The following LILRA5 variants were observed in gnomAD, a reference collection of about 807,000 sequenced individuals.
The protein encoded by LILRA5 is leukocyte immunoglobulin like receptor A5, also known as leukocyte immunoglobulin-like receptor subfamily A member 5.
LILRA5 carries 31 observed loss-of-function variants against 36.3 expected under a neutral mutation model. That is an observed-to-expected ratio of 0.85 (90% CI 0.64 to 1.15). The LOEUF (loss-of-function observed/expected upper bound fraction) is 1.15, where lower values mean the gene tolerates loss of function less well. Among genes scored for constraint, LILRA5 ranks in the 50% most tolerant of loss-of-function variants. LILRA5 has a pLI of 0.00. For missense variants in LILRA5, 348 were observed against 377.4 expected (o/e 0.92, Z 0.64); for synonymous variants, 144 against 144.8 (o/e 0.99, Z 0.04).
At position 54,307,127 on chromosome 19, in the gene LILRA5, T is replaced by G. The variant is rs1172038017; in HGVS notation, c.*286A>C. On this transcript the variant is annotated 3_prime_UTR_variant, in exon 7 of 7. Coordinates refer to ENST00000432233, the MANE Select transcript of LILRA5 (RefSeq NM_021250.4). ...GCACTCAAACACCCATTCCTCCCTC[T>G]AGAAATTGCCAGAGGCTGAGGCAGG... 2 of 239,626 alleles carry G rather than the reference T, an allele frequency of 8.3e-6. No individual in the cohort carries two copies. Among genetic ancestry groups the G allele is most frequent in the African/African-American group, 4.7e-5 (2 of 42,264 alleles). 14.8% of individuals were successfully genotyped at this position (239,626 alleles called of 1,614,324 possible). A position where few individuals can be genotyped will look rare whatever the true frequency, so the allele number is the denominator to read the frequency against.
rs769372505 is a variant in LILRA5 at position 54,311,603 on chromosome 19, C to T, written c.523G>A (p.Glu175Lys). The change falls in exon 5 of 7, where the codon GAG becomes AAG. Residue 175 changes from glutamate (E) to lysine (K), a missense_variant. Glu to Lys is a moderately conservative substitution (Grantham distance 56). Transcript: ENST00000432233. ...CAGGAGAGCTTGTGGTCTCCTTCCT[C>T]AGTCAGAATGAACCTGTCGAATCTC... ...RLRFDRFILT[E>K]EGDHKLSWTL... The T allele has an allele frequency of 6.2e-7, 1 of 1,614,180 alleles. No individual in the cohort carries two copies. Among genetic ancestry groups the T allele is most frequent in the Non-Finnish European group, 8.5e-7 (1 of 1,180,020 alleles).
At chr19:54,310,178 T>C in intron 5 of LILRA5, 1 of 165,572 alleles carries the variant, frequency 6.0e-6, no homozygotes, top group Non-Finnish European at 1.3e-5. Context: ...CAAGGGAGCG[T>C]CCGTCTGTCC....
In LILRA5 at chr19:54,307,700, G is replaced by C; in HGVS notation, c.761C>G (p.Thr254Ser). ...ACTGAGAGCATCTCCTCACTCACCA[G>C]TCCCAGAGTCAGACTTGTTTTGTGA... is the stretch of plus-strand genomic sequence containing the variant. ...SPSQNKSDSG[T>S]ASHLQDYAVE... The change falls in exon 6 of 7, where the codon ACT becomes AGT. Residue 254 changes from threonine (T) to serine (S), a missense_variant and splice_region_variant. Thr to Ser is a moderately conservative substitution (Grantham distance 58). Transcript: ENST00000432233. 6.2e-7 allele frequency: 1 copy of C among 1,614,130 alleles called. No homozygotes were observed. The highest frequency in any genetic ancestry group is 1.1e-5 in the South Asian group (1 of 91,080).
Position 54,312,042 on chromosome 19 carries a change from A to T in LILRA5, c.231T>A (p.Arg77=), listed in dbSNP as rs768637251. 1.9e-6 allele frequency: 3 copies of T among 1,613,954 alleles called. No individual in the cohort carries two copies. The African/African-American group carries it at 4.0e-5, about 22-fold the overall frequency. ...GTTCTGGGCTTCCCTCTTTAACCAGACGGTATTCCTGGGCCTCCAGGGTCC... is the reference window on the plus strand; with the variant it reads ...GTTCTGGGCTTCCCTCTTTAACCAGTCGGTATTCCTGGGCCTCCAGGGTCC... The part of the protein sequence containing the change: ...CQGTLEAQEY[R]LVKEGSPEPW... The change falls in exon 4 of 7, where the codon CGT becomes CGA. Residue 77 remains arginine, a synonymous_variant. Transcript: ENST00000432233.
chr19:54,307,840 TGTGCCTCTCAACATGACTTTTATGGA>T, intron 5 of LILRA5, 92 bp from the exon 6 acceptor site: 1 of 1,063,274 alleles, frequency 9.4e-7, no homozygotes. Flanking sequence ...CCTAGTTCCC[TGTGCCTCTCAACATGACTTTTATGGA>T]GTTCCTCCAT....
In LILRA5 at chr19:54,313,045, A is replaced by C. The variant is rs1311796603; in HGVS notation, c.-26T>G. 1 of 1,613,526 alleles carries C rather than the reference A, an allele frequency of 6.2e-7. No individual in the cohort carries two copies. On this transcript the variant is annotated 5_prime_UTR_variant, in exon 1 of 7. Transcript: ENST00000432233. ...GGTCAGTGATTTTTCAGCCCTGGAG[A>C]TGCTTCAGGGAAGATGCAGGTCCAT...
intron 5 of LILRA5, chr19:54,308,089 AG>A (rs1601174565): frequency 1.2e-5 from 3 of 243,254 alleles, no homozygotes; most frequent in African/African-American, 6.6e-5. Context: ...GGAGCACATA[AG>A]CCAATTCCCC....
intron 5 of LILRA5, chr19:54,307,994 G>A: frequency 3.7e-6 from 2 of 536,576 alleles, no homozygotes; most frequent in Non-Finnish European, 6.7e-6. Context: ...GAGCTTTCCT[G>A]CACCGTGAAA....
Position 54,307,485 on chromosome 19 carries a change from C to G in LILRA5, c.828G>C (p.Leu276=), listed in dbSNP as rs371322633. 105 of 1,613,940 alleles carry G rather than the reference C, an allele frequency of 6.5e-5. No homozygotes were observed. Among genetic ancestry groups the G allele is most frequent in the Non-Finnish European group, 8.7e-5 (103 of 1,180,016 alleles). ...GAAATATCAGAATCCCAAGGACCACCAGGATCAAGCCGGCCATGCCCATGC... is the reference window on the plus strand; with the variant it reads ...GAAATATCAGAATCCCAAGGACCACGAGGATCAAGCCGGCCATGCCCATGC... The part of the protein sequence containing the change: ...LIRMGMAGLI[L]VVLGILIFQD... Residue 276 remains leucine (L), a synonymous_variant, in exon 7 of 7, where the codon CTG becomes CTC. Coordinates refer to ENST00000432233, the MANE Select transcript of LILRA5 (RefSeq NM_021250.4).
Position 54,312,325 on chromosome 19 carries a change from A to G in LILRA5, c.124+10T>C. The G allele has an allele frequency of 6.2e-7, 1 of 1,614,168 alleles. No individual in the cohort carries two copies. The highest frequency in any genetic ancestry group is 8.5e-7 in the Non-Finnish European group (1 of 1,180,024). Reference sequence around the variant, plus strand: ...GAGGAGGGACCTGGGACAGCTGGGGACAGACTCACCTGCCTGCACGTGGGT... The same window carrying G: ...GAGGAGGGACCTGGGACAGCTGGGGGCAGACTCACCTGCCTGCACGTGGGT... On this transcript the variant is annotated intron_variant, in intron 3 of 6. Transcript: ENST00000432233.
Position 54,313,028 on chromosome 19 carries a change from A to T in LILRA5, c.-9T>A, listed in dbSNP as rs759878009. 1.2e-6 allele frequency: 2 copies of T among 1,609,952 alleles called. No individual in the cohort carries two copies. The highest frequency in any genetic ancestry group is 2.2e-5 in the South Asian group (2 of 90,892). The stretch of plus-strand genomic sequence containing the variant: ...TGCGGGGTCCTTACCATGGTCAGTG[A>T]TTTTTCAGCCCTGGAGATGCTTCAG... On this transcript the variant is annotated 5_prime_UTR_variant, in exon 1 of 7. Transcript: ENST00000432233.
rs142956829 is a variant in LILRA5 at position 54,312,348 on chromosome 19, G to C, written c.111C>G (p.Thr37=). Residue 37 remains threonine, a synonymous_variant, in exon 3 of 7, where the codon ACC becomes ACG. Coordinates refer to ENST00000432233, the MANE Select transcript of LILRA5 (RefSeq NM_021250.4). ...LCLGLSLGPR[T]HVQAGNLSKA... The stretch of plus-strand genomic sequence containing the variant: ...GGACAGACTCACCTGCCTGCACGTG[G>C]GTCCTGGGGCCCAGACTCAGCCCTG... The C allele has an allele frequency of 3.7e-5, 60 of 1,614,192 alleles. No homozygotes were observed. In the African/African-American group the frequency reaches 4.3e-4, roughly 11 times the overall value.
chr19:54,307,765 G>A lies in LILRA5; in HGVS notation c.713-17C>T. 1 of 1,611,812 alleles carries A rather than the reference G, an allele frequency of 6.2e-7. No individual in the cohort carries two copies. The highest frequency in any genetic ancestry group is 8.5e-7 in the Non-Finnish European group (1 of 1,178,056). On this transcript the variant is annotated splice_polypyrimidine_tract_variant and intron_variant, in intron 5 of 6. Transcript: ENST00000432233. Reference sequence around the variant, plus strand: ...CAGCTGCTCCTGAAAATCAAAACAGGGGAAGGGGAAGGAGAAGTTCTTGAA... The same window carrying A: ...CAGCTGCTCCTGAAAATCAAAACAGAGGAAGGGGAAGGAGAAGTTCTTGAA...
intron 3 of LILRA5, 64 bp downstream of exon 3, chr19:54,312,270 GC>G (rs2081038282): frequency 6.2e-7 from 1 of 1,613,798 alleles, no homozygotes; most frequent in Non-Finnish European, 8.5e-7. Flanking sequence ...ACCCCCAGCT[GC>G]CCATGGGTGG....
At chr19:54,309,066 G>C (rs898424230) in intron 5 of LILRA5, 8 of 152,126 alleles carry the variant, frequency 5.3e-5, no homozygotes, top group South Asian at 2.1e-4. Context: ...GGGGAGATCA[G>C]TTGAAAGATA....
chr19:54,308,376 T>A (rs1285746637), intron 5 of LILRA5: 7 of 49,376 alleles, frequency 1.4e-4, no homozygotes, highest in East Asian at 6.0e-4. Context: ...TATATATATA[T>A]ATATATATAT....
intron 5 of LILRA5, chr19:54,308,273 A>C (rs1368575577): frequency 6.2e-6 from 1 of 160,594 alleles, no homozygotes; most frequent in Non-Finnish European, 1.4e-5. Flanking sequence ...TCAGCTAACT[A>C]TTCATATAGT....
chr19:54,308,335 G>GTGTGTGTGTGTGTGTATA (rs1421820479), intron 5 of LILRA5: 4 of 57,876 alleles, frequency 6.9e-5, no homozygotes, highest in Non-Finnish European at 1.8e-4. Flanking sequence ...GTGTGTGTGT[G>GTGTGTGTGTGTGTGTATA]TATATATATG....
intron 5 of LILRA5, chr19:54,309,904 T>C (rs2080973397): frequency 6.2e-6 from 1 of 162,132 alleles, no homozygotes; most frequent in East Asian, 1.9e-4. Context: ...AGGGAGCAGG[T>C]GCGCGGCCCC....
Sources: allele counts gnomAD v4.1 joint callset, GRCh38; gene constraint gnomAD v4.1.1; transcripts MANE v1.5; gene names NCBI Gene and HGNC (gene_info 2026-07-23, HGNC 2026-07-21).